CD2BP2: variants seen among roughly 807,000 people sequenced by gnomAD.
CD2BP2 encodes the protein CD2 cytoplasmic tail binding protein 2.
In CD2BP2, 27 loss-of-function variants were observed where a neutral mutation model predicts 35.9. The observed-to-expected ratio is 0.75, with a 90% confidence interval of 0.55 to 1.04. CD2BP2 has a LOEUF of 1.04. Among genes scored for constraint, CD2BP2 ranks in the 50% least tolerant of loss-of-function variants. The pLI is 0.00. For missense variants in CD2BP2, 497 were observed against 444.3 expected (o/e 1.12, Z -1.07); for synonymous variants, 213 against 173.5 (o/e 1.23, Z -1.79).
rs1004216936 is a variant in CD2BP2, at chr16:30,351,478, G to A, written c.*1507C>T. On this transcript the variant is annotated 3_prime_UTR_variant, in exon 7 of 7. Coordinates refer to ENST00000305596, the MANE Select transcript of CD2BP2 (RefSeq NM_006110.3). ...ACCGGCAGGCCTCTTCTTTCTTAGT[G>A]ACGTTTAAAGGAAGGTATCTTACCC... 2 of 152,182 alleles carry A rather than the reference G, an allele frequency of 1.3e-5. No homozygotes were observed. Among genetic ancestry groups the A allele is most frequent in the African/African-American group, 2.4e-5 (1 of 41,420 alleles). The allele number at this position is 152,182 out of a possible 1,614,324, so 9.4% of individuals were successfully genotyped here.
rs761729250 is a variant in CD2BP2 at position 30,353,485 on chromosome 16, C to A, written c.691G>T (p.Gly231Cys). The change falls in exon 5 of 7, where the codon GGT (glycine) becomes TGT (cysteine). Residue 231 changes from glycine (G) to cysteine (C), a missense_variant. By Grantham distance (159) the Gly-to-Cys change is radical. Coordinates refer to ENST00000305596, the MANE Select transcript of CD2BP2 (RefSeq NM_006110.3). ...GGTCCTAGGGTCTGACACCCCAAACCCTTCAGACGCATAGCCAACCGTTCC... is the reference window on the plus strand; with the variant it reads ...GGTCCTAGGGTCTGACACCCCAAACACTTCAGACGCATAGCCAACCGTTCC... ...TRERLAMRLKGLGCQTLGPHN... is the reference protein window; with the variant it reads ...TRERLAMRLKCLGCQTLGPHN... 3 of 1,614,180 alleles carry A rather than the reference C, an allele frequency of 1.9e-6. No individual in the cohort carries two copies. The highest frequency in any genetic ancestry group is 2.5e-6 in the Non-Finnish European group (3 of 1,180,018).
Position 30,352,788 on chromosome 16 carries a change from C to T in CD2BP2, c.*197G>A. On this transcript the variant is annotated 3_prime_UTR_variant, in exon 7 of 7. Transcript: ENST00000305596. ...GGAGTACTCAGGGACCAAGACAAGT[C>T]CAAAGGGACTGTGGAGAAGGCCCCT... The T allele has an allele frequency of 1.7e-6, 1 of 594,832 alleles. No individual in the cohort carries two copies. Among genetic ancestry groups the T allele is most frequent in the Non-Finnish European group, 3.0e-6 (1 of 333,932 alleles). The allele number at this position is 594,832 out of a possible 1,614,324, so 36.8% of individuals were successfully genotyped here. A position where few individuals can be genotyped will look rare whatever the true frequency, so the allele number is the denominator to read the frequency against.
rs779855995 is a variant in CD2BP2 at position 30,353,912 on chromosome 16, T to C, written c.364A>G (p.Asn122Asp). ...CCCCTGGGCCGCACCCAGTCAATGT[T>C]GTCCAGCCAGCTGTCTCGGATCTGA... Reference protein sequence around the residue: ...DAQIRDSWLDNIDWVKIRERP... With the variant: ...DAQIRDSWLDDIDWVKIRERP... Residue 122 changes from asparagine to aspartate, a missense_variant, in exon 4 of 7, where the codon AAC (asparagine) becomes GAC (aspartate). Transcript: ENST00000305596. The C allele has an allele frequency of 3.7e-6, 6 of 1,614,012 alleles. No homozygotes were observed. The South Asian group carries it at 6.6e-5, about 18-fold the overall frequency.
chr16:30,355,235 T>TG lies in CD2BP2; in HGVS notation c.-51dup, dbSNP rs1168987939. ...ACCTGGGAATCCGCGGAAGGCGAGG[T>TG]GGAAAAAAGAAGAGATGCTTGCGCC... On this transcript the variant is annotated 5_prime_UTR_variant, in exon 1 of 7. It removes the in-frame stop codon of an upstream open reading frame in the 5' UTR. Transcript: ENST00000305596. 1 of 152,018 alleles carries TG rather than the reference T, an allele frequency of 6.6e-6. No homozygotes were observed. Among genetic ancestry groups the TG allele is most frequent in the Non-Finnish European group, 1.5e-5 (1 of 68,158 alleles). 9.4% of individuals were successfully genotyped at this position (152,018 alleles called of 1,614,324 possible).
At position 30,353,416 on chromosome 16, in the gene CD2BP2, C is replaced by T; in HGVS notation, c.760G>A (p.Glu254Lys). The change falls in exon 5 of 7, where the codon GAG becomes AAG. Residue 254 changes from glutamate to lysine, a missense_variant. Physicochemically the swap from Glu to Lys is moderately conservative, Grantham distance 56 (BLOSUM62 1). Coordinates refer to ENST00000305596, the MANE Select transcript of CD2BP2 (RefSeq NM_006110.3). ...PPPSLDMFAE[E>K]LAEEELETPT... The stretch of plus-strand genomic sequence containing the variant: ...GTCTCCAGTTCCTCCTCCGCCAACT[C>T]CTCAGCGAACATGTCCAGGGAGGGT... 6.2e-7 allele frequency: 1 copy of T among 1,614,180 alleles called. No individual in the cohort carries two copies.
In CD2BP2 at chr16:30,351,518, G is replaced by A. The variant is rs2049481565; in HGVS notation, c.*1467C>T. The A allele has an allele frequency of 6.6e-6, 1 of 152,174 alleles. No individual in the cohort carries two copies. The highest frequency in any genetic ancestry group is 2.4e-5 in the African/African-American group (1 of 41,408). 9.4% of individuals were successfully genotyped at this position (152,174 alleles called of 1,614,324 possible). ...GTATCTTACCCCTGATGGCTTCTTG[G>A]AGTGAATGAAATTCCGGTGTGAGCA... is the stretch of plus-strand genomic sequence containing the variant. On this transcript the variant is annotated 3_prime_UTR_variant, in exon 7 of 7. Transcript: ENST00000305596.
At position 30,353,609 on chromosome 16, in the gene CD2BP2, C is replaced by A. The variant is rs1160663916; in HGVS notation, c.567G>T (p.Gly189=). 1.2e-6 allele frequency: 2 copies of A among 1,613,830 alleles called. No homozygotes were observed. ...GARGGGKGRK[G]PGQPSSPQRL... ...GCTGAGGGGAACTGGGTTGCCCAGGCCCCTTTCTCCCTTTGCCTCCTCCTC... is the reference window on the plus strand; with the variant it reads ...GCTGAGGGGAACTGGGTTGCCCAGGACCCTTTCTCCCTTTGCCTCCTCCTC... The change falls in exon 5 of 7, where the codon GGG becomes GGT. Residue 189 remains glycine, a synonymous_variant. Transcript: ENST00000305596.
At chr16:30,354,450 G>C (rs2151097979) in intron 2 of CD2BP2, 128 bp from the exon 3 acceptor site, 1 of 1,379,824 alleles carries the variant, frequency 7.2e-7, no homozygotes, top group Non-Finnish European at 1.0e-6. Context: ...TATTTCAGGA[G>C]CCACACTAAA....
In CD2BP2 at chr16:30,353,027, C is replaced by T. The variant is rs781639565; in HGVS notation, c.984G>A (p.Gln328=). The change falls in exon 7 of 7, where the codon CAG becomes CAA. Residue 328 remains glutamine (Q), a synonymous_variant. Transcript: ENST00000305596. Reference sequence around the variant, plus strand: ...AGTCAATGCGTTTGGAGTTGTAGAACTGACCACCAGGGGGGTCCAGCTTCC... The same window carrying T: ...AGTCAATGCGTTTGGAGTTGTAGAATTGACCACCAGGGGGGTCCAGCTTCC... ...YCRKLDPPGG[Q]FYNSKRIDFD... is the part of the protein sequence containing the mutation. 6 of 1,614,044 alleles carry T rather than the reference C, an allele frequency of 3.7e-6. No individual in the cohort carries two copies. Among genetic ancestry groups the T allele is most frequent in the Non-Finnish European group, 3.4e-6 (4 of 1,179,916 alleles).
rs2049480204 is a variant in CD2BP2, at chr16:30,351,356, A to C, written c.*1629T>G. ...TGAGACCATCCCTGGGGCCTACAGG[A>C]GAACCCTGTACCTCAGCAGCCCTGA... is the stretch of plus-strand genomic sequence containing the variant. On this transcript the variant is annotated 3_prime_UTR_variant, in exon 7 of 7. Coordinates refer to ENST00000305596, the MANE Select transcript of CD2BP2 (RefSeq NM_006110.3). The C allele has an allele frequency of 6.6e-6, 1 of 152,308 alleles. No homozygotes were observed. Among genetic ancestry groups the C allele is most frequent in the Non-Finnish European group, 1.5e-5 (1 of 68,116 alleles). 9.4% of individuals were successfully genotyped at this position (152,308 alleles called of 1,614,324 possible).
intron 1 of CD2BP2, 156 bp from the exon 2 acceptor site, chr16:30,354,863 C>T: frequency 1.6e-6 from 1 of 642,966 alleles, no homozygotes; most frequent in South Asian, 1.7e-5. Flanking sequence ...GCCAGGAGGC[C>T]TCCAGGACTT....
rs763994465 is a variant in CD2BP2, at chr16:30,354,634, ATCC to A, written c.45_47del (p.Glu15del). 2.0e-5 allele frequency: 32 copies of A among 1,613,102 alleles called. No individual in the cohort carries two copies. Among genetic ancestry groups the A allele is most frequent in the Non-Finnish European group, 2.6e-5 (31 of 1,179,802 alleles). ...TCTTGGGGACAATGATTTCATCCTCATCCTCCTCATCTCCCACGCCTTGGAAGG... is the reference window on the plus strand; with the variant it reads ...TCTTGGGGACAATGATTTCATCCTCATCCTCATCTCCCACGCCTTGGAAGG... On this transcript the variant is annotated inframe_deletion, in exon 2 of 7. Coordinates refer to ENST00000305596, the MANE Select transcript of CD2BP2 (RefSeq NM_006110.3).
chr16:30,352,695 C>T lies in CD2BP2; in HGVS notation c.*290G>A, dbSNP rs978166174. The stretch of plus-strand genomic sequence containing the variant: ...AGCAGCGCAGTTGGGGGTGTTTACA[C>T]GGCAAGCAGAGTCCAGGCAGGGAGG... On this transcript the variant is annotated 3_prime_UTR_variant, in exon 7 of 7. Coordinates refer to ENST00000305596, the MANE Select transcript of CD2BP2 (RefSeq NM_006110.3). 5 of 447,534 alleles carry T rather than the reference C, an allele frequency of 1.1e-5. No individual in the cohort carries two copies. Among genetic ancestry groups the T allele is most frequent in the South Asian group, 7.5e-5 (3 of 39,900 alleles). 27.7% of individuals were successfully genotyped at this position (447,534 alleles called of 1,614,324 possible). A position where few individuals can be genotyped will look rare whatever the true frequency, so the allele number is the denominator to read the frequency against.
rs753738079 is a variant in CD2BP2 at position 30,353,402 on chromosome 16, C to T, written c.774G>A (p.Glu258=). The T allele has an allele frequency of 1.2e-6, 2 of 1,614,046 alleles. No individual in the cohort carries two copies. Among genetic ancestry groups the T allele is most frequent in the Non-Finnish European group, 1.7e-6 (2 of 1,180,030 alleles). The change falls in exon 5 of 7, where the codon GAG becomes GAA. Residue 258 remains glutamate, a synonymous_variant. Transcript: ENST00000305596. Reference sequence around the variant, plus strand: ...GGGTAGGGGTTGGGGTCTCCAGTTCCTCCTCCGCCAACTCCTCAGCGAACA... The same window carrying T: ...GGGTAGGGGTTGGGGTCTCCAGTTCTTCCTCCGCCAACTCCTCAGCGAACA... ...LDMFAEELAE[E]ELETPTPTQR...
chr16:30,354,004 T>TTA lies in CD2BP2; in HGVS notation c.270_271dup (p.Asn91IlefsTer20), dbSNP rs1417678820. ...GCCTTCCTCCATCTCCTCCTGCAGG[T>TTA]TAAAGGGTGTGATCCGAACACCCCC... On this transcript the variant is annotated frameshift_variant, in exon 4 of 7. Coordinates refer to ENST00000305596, the MANE Select transcript of CD2BP2 (RefSeq NM_006110.3). LOFTEE classifies it high-confidence loss of function. 2.5e-6 allele frequency: 4 copies of TTA among 1,613,908 alleles called. No individual in the cohort carries two copies. The highest frequency in any genetic ancestry group is 3.4e-6 in the Non-Finnish European group (4 of 1,179,996).
chr16:30,353,277 C>A lies in CD2BP2; in HGVS notation c.819G>T (p.Ser273=). 4 of 1,614,140 alleles carry A rather than the reference C, an allele frequency of 2.5e-6. No homozygotes were observed. The highest frequency in any genetic ancestry group is 3.4e-6 in the Non-Finnish European group (4 of 1,179,982). ...TCACATCCACCAGACCATCTCCCCG[C>A]GACTCTGCTTCTAAAATAACAGGCA... ...PTPTQRGEAE[S]RGDGLVDVMW... is the part of the protein sequence containing the mutation. Residue 273 remains serine, a synonymous_variant, in exon 6 of 7, where the codon TCG becomes TCT. Transcript: ENST00000305596.
In CD2BP2 at chr16:30,352,466, T is replaced by G. The variant is rs1261818945; in HGVS notation, c.*519A>C. On this transcript the variant is annotated 3_prime_UTR_variant, in exon 7 of 7. Coordinates refer to ENST00000305596, the MANE Select transcript of CD2BP2 (RefSeq NM_006110.3). ...CACTTCTGCCCAGCATCTAAGGAGC[T>G]TGAGAGGGTGAAGCGAGAGTAAGAG... The G allele has an allele frequency of 6.4e-6, 1 of 156,822 alleles. No individual in the cohort carries two copies. Among genetic ancestry groups the G allele is most frequent in the Admixed American group, 6.1e-5 (1 of 16,362 alleles). The allele number at this position is 156,822 out of a possible 1,614,324, so 9.7% of individuals were successfully genotyped here.
Position 30,350,916 on chromosome 16 carries a change from C to G in CD2BP2, c.*2069G>C, listed in dbSNP as rs1414411878. ...AATCCAATGCCTTTTCCAGCTCCTC[C>G]AGGGGCCACCTCATCGCCTGGCCCC... is the stretch of plus-strand genomic sequence containing the variant. On this transcript the variant is annotated 3_prime_UTR_variant, in exon 7 of 7. Coordinates refer to ENST00000305596, the MANE Select transcript of CD2BP2 (RefSeq NM_006110.3). 6.5e-6 allele frequency: 1 copy of G among 152,696 alleles called. No individual in the cohort carries two copies. Among genetic ancestry groups the G allele is most frequent in the East Asian group, 1.9e-4 (1 of 5,194 alleles). The allele number at this position is 152,696 out of a possible 1,614,324, so 9.5% of individuals were successfully genotyped here.
intron 1 of CD2BP2, chr16:30,354,924 C>T: frequency 1.9e-6 from 1 of 521,986 alleles, no homozygotes; most frequent in Non-Finnish European, 3.4e-6. Flanking sequence ...AGCGGACCCT[C>T]TGGATCCCCC....
Sources: allele counts gnomAD v4.1 joint callset, GRCh38; gene constraint gnomAD v4.1.1; transcripts MANE v1.5; gene names NCBI Gene and HGNC (gene_info 2026-07-23, HGNC 2026-07-21).